The following GNG4 variants were observed in gnomAD, a reference collection of about 807,000 sequenced individuals.
GNG4 encodes the protein G protein subunit gamma 4, also known as guanine nucleotide-binding protein G(I)/G(S)/G(O) subunit gamma-4.
GNG4 carries 4 observed loss-of-function variants against 5.8 expected under a neutral mutation model. That is an observed-to-expected ratio of 0.69 (90% CI 0.34 to 1.57). GNG4 has a LOEUF of 1.57. Ranked by LOEUF, GNG4 falls within the 40% of genes most tolerant of loss-of-function variation. The pLI, the probability that GNG4 is intolerant of heterozygous loss-of-function variation, is 0.06. For missense variants in GNG4, 96 were observed against 95.1 expected (o/e 1.01, Z -0.04); for synonymous variants, 29 against 32.9 (o/e 0.88, Z 0.41).
intron 1 of GNG4, among the ~76,000 whole-genome samples, chr1:235,604,436 G>A (rs1456755841): frequency 2.0e-5 from 3 of 152,184 alleles, no homozygotes; most frequent in African/African-American, 7.2e-5. Flanking sequence ...TCACAGCTCC[G>A]GAGGCTGGAA....
At chr1:235,639,373 C>T (rs1310936013) in intron 1 of GNG4, among the ~76,000 whole-genome samples, 9 of 152,326 alleles carry the variant, frequency 5.9e-5, no homozygotes, top group Middle Eastern at 6.8e-3. Flanking sequence ...AATCATTCTC[C>T]CTTGCTGAAA....
At chr1:235,646,549 C>A (rs992241740) in intron 1 of GNG4, among the ~76,000 whole-genome samples, 1 of 152,194 alleles carries the variant, frequency 6.6e-6, no homozygotes, top group Admixed American at 6.5e-5. Context: ...TAGCCCTATC[C>A]GATCCTCGGA....
At position 235,581,032 on chromosome 1, in the gene GNG4, G is replaced by A. The variant is rs185975480; in HGVS notation, c.99+2708C>T. Among the ~76,000 whole-genome samples the A allele has an allele frequency of 8.5e-5, 13 of 152,062 alleles. No individual in the cohort carries two copies. The East Asian group carries it at 1.7e-3, about 20-fold the overall frequency. ...CTTCCAAAGTGCTGGGATTACAGGC[G>A]TCAGCCACCACATCTGGCCTGCCTA... On this transcript the variant is annotated intron_variant, in intron 3 of 3. Coordinates refer to ENST00000391854, the MANE Select transcript of GNG4 (RefSeq NM_001098722.2).
At chr1:235,590,399 G>A (rs1571899694) in intron 2 of GNG4, among the ~76,000 whole-genome samples, 1 of 152,156 alleles carries the variant, frequency 6.6e-6, no homozygotes, top group East Asian at 1.9e-4. Context: ...AGATTGCAGT[G>A]AGCCGAGATT....
intron 3 of GNG4, among the ~76,000 whole-genome samples, chr1:235,561,958 ATAATT>A (rs1235138758): frequency 6.6e-6 from 1 of 152,136 alleles, no homozygotes; most frequent in Admixed American, 6.6e-5. Flanking sequence ...ATTTATGTCT[ATAATT>A]TATTTTGAGT....
intron 2 of GNG4, among the ~76,000 whole-genome samples, chr1:235,594,520 C>T (rs1364518363): frequency 6.6e-6 from 1 of 152,182 alleles, no homozygotes; most frequent in Non-Finnish European, 1.5e-5. Context: ...CGTGCAGGAG[C>T]CCATGGTGGT....
intron 3 of GNG4, among the ~76,000 whole-genome samples, chr1:235,579,226 T>G (rs1380000930): frequency 1.3e-5 from 2 of 152,104 alleles, no homozygotes. Context: ...TTAAGTGTTC[T>G]CACCACAGAA....
chr1:235,584,525 G>A (rs907731010), intron 2 of GNG4, among the ~76,000 whole-genome samples: 5 of 152,018 alleles, frequency 3.3e-5, no homozygotes, highest in Admixed American at 2.0e-4. Context: ...ATAAACACAC[G>A]CACAAACACA....
rs146909026 is a variant in GNG4 at position 235,591,656 on chromosome 1, T to C, written c.-11+3744A>G. 5.5e-4 allele frequency among the ~76,000 whole-genome samples: 83 copies of C among 152,028 alleles called. 2 individuals carry two copies. Among genetic ancestry groups the C allele is most frequent in the African/African-American group, 1.8e-3 (76 of 41,444 alleles). On this transcript the variant is annotated intron_variant, in intron 2 of 3. Coordinates refer to ENST00000391854, the MANE Select transcript of GNG4 (RefSeq NM_001098722.2). ...CTGGACCCAAGAAGAAAAATGGAAG[T>C]AGGAACAGAGAGGAGCTGCAACAAA...
intron 3 of GNG4, among the ~76,000 whole-genome samples, chr1:235,556,185 A>G (rs1413386311): frequency 6.6e-6 from 1 of 152,000 alleles, no homozygotes; most frequent in Non-Finnish European, 1.5e-5. Context: ...TCAAGTACAC[A>G]TGATAAGTAT....
At chr1:235,641,447 T>G (rs754866227) in intron 1 of GNG4, among the ~76,000 whole-genome samples, 1 of 152,086 alleles carries the variant, frequency 6.6e-6, no homozygotes, top group African/African-American at 2.4e-5. Flanking sequence ...TCCCAGCACT[T>G]TGGGAGGCCG....
chr1:235,560,298 G>A (rs1337285562), intron 3 of GNG4, among the ~76,000 whole-genome samples: 1 of 152,212 alleles, frequency 6.6e-6, no homozygotes, highest in Non-Finnish European at 1.5e-5. Context: ...GTTATTAGGT[G>A]ATGAGGGCTC....
intron 2 of GNG4, among the ~76,000 whole-genome samples, chr1:235,587,455 TACAGGGTG>T (rs1687813956): frequency 1.9e-4 from 1 of 5,400 alleles, no homozygotes; most frequent in Non-Finnish European, 2.9e-4. Flanking sequence ...TGTGTGAGGG[TACAGGGTG>T]GGGGGTGAGT....
intron 3 of GNG4, among the ~76,000 whole-genome samples, chr1:235,567,348 A>G (rs1295592466): frequency 2.6e-5 from 4 of 152,158 alleles, no homozygotes; most frequent in Non-Finnish European, 5.9e-5. Context: ...CGTCTTAACT[A>G]TTTTTAAGTA....
At chr1:235,590,697 C>G (rs1018128435) in intron 2 of GNG4, among the ~76,000 whole-genome samples, 1 of 152,128 alleles carries the variant, frequency 6.6e-6, no homozygotes. Context: ...TTTTCTCTCT[C>G]CAAGGGGCTG....
Position 235,620,695 on chromosome 1 carries a change from C to G in GNG4, c.-122-25184G>C, listed in dbSNP as rs542314129. On this transcript the variant is annotated intron_variant, in intron 1 of 3. Transcript: ENST00000391854. ...GGACTACAGGTGCCCGCCACCACGCCCAGCTAAGTTTTTATATTTTTAGTA... is the reference window on the plus strand; with the variant it reads ...GGACTACAGGTGCCCGCCACCACGCGCAGCTAAGTTTTTATATTTTTAGTA... Among the ~76,000 whole-genome samples, 76 of 152,244 alleles carry G rather than the reference C, an allele frequency of 5.0e-4. 1 individual carries two copies. Among genetic ancestry groups the G allele is most frequent in the Non-Finnish European group, 1.5e-4 (10 of 68,026 alleles).
At position 235,552,239 on chromosome 1, in the gene GNG4, T is replaced by A; in HGVS notation, c.100-2A>T. On this transcript the variant is annotated splice_acceptor_variant, in intron 3 of 3. Coordinates refer to ENST00000391854, the MANE Select transcript of GNG4 (RefSeq NM_001098722.2). LOFTEE classifies it high-confidence loss of function. ...GAGGTCCGCAGCTGCCTGGGAGACC[T>A]GTGAGGGCACAGAGCACAGGTGCTC... 6.2e-7 allele frequency: 1 copy of A among 1,613,708 alleles called. No homozygotes were observed. Among genetic ancestry groups the A allele is most frequent in the Non-Finnish European group, 8.5e-7 (1 of 1,179,736 alleles).
At chr1:235,635,452 C>T (rs1342768684) in intron 1 of GNG4, among the ~76,000 whole-genome samples, 2 of 151,822 alleles carry the variant, frequency 1.3e-5, no homozygotes, top group African/African-American at 2.4e-5. Flanking sequence ...GCTGAGATCG[C>T]ACCACTGGAC....
intron 1 of GNG4, among the ~76,000 whole-genome samples, chr1:235,624,849 T>C (rs191807191): frequency 2.5e-4 from 38 of 152,352 alleles, no homozygotes; most frequent in African/African-American, 9.1e-4. Context: ...GTAGTGCTAT[T>C]TGCAAACAGG....
Sources: allele counts gnomAD v4.1 joint callset (sites outside exome capture counted in the v4.1 genomes callset), GRCh38; gene constraint gnomAD v4.1.1; transcripts MANE v1.5; gene names NCBI Gene and HGNC (gene_info 2026-07-23, HGNC 2026-07-21).